TENM2: variants seen among roughly 807,000 people sequenced by gnomAD.
The protein encoded by TENM2 is teneurin transmembrane protein 2, also known as teneurin-2.
In TENM2, 52 loss-of-function variants were observed where a neutral mutation model predicts 245.2. That is an observed-to-expected ratio of 0.21 (90% CI 0.17 to 0.27). The LOEUF (loss-of-function observed/expected upper bound fraction) is 0.27. TENM2 is among the 10% of genes least tolerant of loss of function. The probability of loss-of-function intolerance (pLI) is 1.00; values close to 1 mark genes in which losing one functional copy is unlikely to be tolerated. For missense variants in TENM2, 3,046 were observed against 3,666.8 expected (o/e 0.83, Z 4.37); for synonymous variants, 1,363 against 1,438.9 (o/e 0.95, Z 1.19).
chr5:167,884,258 T>C (rs1774107110), intron 3 of TENM2, among the ~76,000 whole-genome samples: 1 of 152,218 alleles, frequency 6.6e-6, no homozygotes, highest in Non-Finnish European at 1.5e-5. Flanking sequence ...CAAATATATA[T>C]AACATGAAAT....
At chr5:167,656,063 G>C (rs930858093) in intron 2 of TENM2, among the ~76,000 whole-genome samples, 9 of 152,176 alleles carry the variant, frequency 5.9e-5, no homozygotes, top group African/African-American at 1.9e-4. Flanking sequence ...CACAGAACCA[G>C]TGGAAGCCAG....
In TENM2 at chr5:167,447,659, C is replaced by G. The variant is rs368383291; in HGVS notation, c.502+72186C>G. On this transcript the variant is annotated intron_variant, in intron 2 of 28. Coordinates refer to ENST00000518659, the Ensembl canonical transcript of TENM2. The stretch of plus-strand genomic sequence containing the variant: ...CATTCATACCACATGGAACTGCTTC[C>G]CCCTGGAAATTCTGGGCTTTCTCCC... Among the ~76,000 whole-genome samples, 115 of 152,278 alleles carry G rather than the reference C, an allele frequency of 7.6e-4. 1 individual carries two copies. In the Middle Eastern group the frequency reaches 0.034, roughly 45 times the overall value.
At chr5:167,850,863 G>A (rs779308573) in intron 2 of TENM2, among the ~76,000 whole-genome samples, 1 of 152,130 alleles carries the variant, frequency 6.6e-6, no homozygotes, top group African/African-American at 2.4e-5. Flanking sequence ...CTGTAGTGCT[G>A]GATTCAGGGA....
chr5:167,686,619 T>C (rs901265129), intron 2 of TENM2, among the ~76,000 whole-genome samples: 2 of 152,112 alleles, frequency 1.3e-5, no homozygotes, highest in Non-Finnish European at 2.9e-5. Context: ...ATCACAAGGG[T>C]CAATCTCATG....
At chr5:166,980,431 A>G in the TENM2 span, among the ~76,000 whole-genome samples, 1 of 152,204 alleles carries the variant, frequency 6.6e-6, no homozygotes, top group Non-Finnish European at 1.5e-5. Context: ...CTTTTCTTAA[A>G]AATAGAACTC....
chr5:167,054,094 G>A, the TENM2 span, among the ~76,000 whole-genome samples: 14 of 152,162 alleles, frequency 9.2e-5, no homozygotes, highest in African/African-American at 2.9e-4. Flanking sequence ...GGTGTTGCAC[G>A]TTACGTGGGT....
chr5:167,721,827 C>A (rs1334494080), intron 2 of TENM2, among the ~76,000 whole-genome samples: 1 of 152,338 alleles, frequency 6.6e-6, no homozygotes, highest in South Asian at 2.1e-4. Flanking sequence ...GCCCACCGTG[C>A]TTTATTTCCT....
chr5:167,387,928 TG>T (rs1761537837), intron 2 of TENM2, among the ~76,000 whole-genome samples: 1 of 152,196 alleles, frequency 6.6e-6, no homozygotes, highest in South Asian at 2.1e-4. Flanking sequence ...GCTAGTATTT[TG>T]TTAAGGACTT....
At chr5:168,170,347 T>G (rs1562242410) in intron 13 of TENM2, among the ~76,000 whole-genome samples, 1 of 151,864 alleles carries the variant, frequency 6.6e-6, no homozygotes, top group Non-Finnish European at 1.5e-5. Flanking sequence ...CTACTAAAAA[T>G]ACAAAAATTA....
intron 2 of TENM2, among the ~76,000 whole-genome samples, chr5:167,567,893 A>G (rs1019385282): frequency 6.6e-6 from 1 of 152,002 alleles, no homozygotes; most frequent in Non-Finnish European, 1.5e-5. Flanking sequence ...TCAGAATTGC[A>G]TGCCCACCAA....
intron 2 of TENM2, among the ~76,000 whole-genome samples, chr5:167,680,181 G>C (rs1236402864): frequency 1.3e-5 from 2 of 151,900 alleles, no homozygotes; most frequent in African/African-American, 4.8e-5. Flanking sequence ...TTTAATGCCA[G>C]TTATAGTACT....
chr5:167,224,299 CATCTAGTGGCTTT>C, the TENM2 span, among the ~76,000 whole-genome samples: 2 of 151,894 alleles, frequency 1.3e-5, no homozygotes. Flanking sequence ...TTTCTGTTTT[CATCTAGTGGCTTT>C]ATTGTTTTGG....
intron 2 of TENM2, among the ~76,000 whole-genome samples, chr5:167,387,597 G>C (rs10068472): frequency 1.3e-5 from 2 of 152,052 alleles, no homozygotes; most frequent in African/African-American, 4.8e-5. Flanking sequence ...TTTTGTTTCA[G>C]TTCTCAGAGG....
intron 2 of TENM2, among the ~76,000 whole-genome samples, chr5:167,615,397 G>A (rs1386495515): frequency 3.3e-5 from 5 of 152,086 alleles, no homozygotes; most frequent in Admixed American, 2.6e-4. Flanking sequence ...ATTTCATTTT[G>A]TGTTTAACAA....
intron 2 of TENM2, among the ~76,000 whole-genome samples, chr5:167,734,612 C>CA (rs372314291): frequency 1.8e-3 from 275 of 151,972 alleles, no homozygotes; most frequent in African/African-American, 6.0e-3. Flanking sequence ...ATATGATTCC[C>CA]ATAGTTTGCC....
the TENM2 span, among the ~76,000 whole-genome samples, chr5:167,252,758 T>C: frequency 6.6e-6 from 1 of 152,066 alleles, no homozygotes; most frequent in African/African-American, 2.4e-5. Context: ...CAACTAAACA[T>C]TGATCCTTTA....
At chr5:167,172,775 T>TATTC in the TENM2 span, among the ~76,000 whole-genome samples, 1 of 145,466 alleles carries the variant, frequency 6.9e-6, no homozygotes, top group African/African-American at 2.8e-5. Context: ...TATGCTTAGC[T>TATTC]ATTTATTTAT....
At chr5:168,120,288 A>G (rs1363005656) in intron 10 of TENM2, among the ~76,000 whole-genome samples, 1 of 152,204 alleles carries the variant, frequency 6.6e-6, no homozygotes, top group African/African-American at 2.4e-5. Flanking sequence ...TCTGCATCAT[A>G]AAGAATTGGG....
At chr5:167,786,119 C>T (rs138555129) in intron 2 of TENM2, among the ~76,000 whole-genome samples, 13 of 152,238 alleles carry the variant, frequency 8.5e-5, no homozygotes, top group African/African-American at 2.6e-4. Flanking sequence ...CTGTCTCTGA[C>T]GCCATGACCA....
Sources: gnomAD v4.1 joint callset for allele counts (sites outside exome capture counted in the v4.1 genomes callset) on GRCh38, gnomAD v4.1.1 for gene constraint, MANE v1.5 for transcripts, NCBI Gene and HGNC (gene_info 2026-07-23, HGNC 2026-07-21) for gene names.